RTN4IP1: variants seen among roughly 807,000 people sequenced by gnomAD.
RTN4IP1 encodes NAD(P)H oxidoreductase RTN4IP1, mitochondrial.
Under a neutral mutation model 46.6 loss-of-function variants are expected in RTN4IP1, and 32 were observed. The observed-to-expected ratio is 0.69, with a 90% CI of 0.52 to 0.92. RTN4IP1 has a LOEUF of 0.92. Ranked by LOEUF, RTN4IP1 falls within the 40% of genes least tolerant of loss-of-function variation. The pLI is 0.00. For missense variants in RTN4IP1, 424 were observed against 485.8 expected, an observed-to-expected ratio of 0.87 and a Z score of 1.20; for synonymous variants, 167 against 161.8, an observed-to-expected ratio of 1.03 and a Z score of -0.24.
Position 106,599,679 on chromosome 6 carries a change from T to G in RTN4IP1, c.669+3195A>C, listed in dbSNP as rs779502031. Reference sequence around the variant, plus strand: ...AATGTAAGAATATACCACAATTTACTTACTCATTTTACTGTTGATGGACAT... The same window carrying G: ...AATGTAAGAATATACCACAATTTACGTACTCATTTTACTGTTGATGGACAT... On this transcript the variant is annotated intron_variant, in intron 5 of 8. Transcript: ENST00000369063. 3.3e-5 allele frequency among the ~76,000 whole-genome samples: 5 copies of G among 152,250 alleles called. No individual in the cohort carries two copies. In the East Asian group the frequency reaches 9.6e-4, roughly 29 times the overall value.
At chr6:106,612,384 CAAAAAAAAA>C (rs1180927898) in intron 4 of RTN4IP1, among the ~76,000 whole-genome samples, 4 of 18,918 alleles carry the variant, frequency 2.1e-4, no homozygotes, top group South Asian at 3.8e-3. Flanking sequence ...AAGACTCCGT[CAAAAAAAAA>C]AAAAAAAAAA....
intron 6 of RTN4IP1, 57 bp from the exon 7 acceptor site, chr6:106,587,919 T>G (rs996411455): frequency 1.5e-5 from 22 of 1,453,874 alleles, no homozygotes; most frequent in African/African-American, 2.8e-5. Flanking sequence ...TGGACTCTGA[T>G]CCTCCTTCCC....
upstream of RTN4IP1, among the ~76,000 whole-genome samples, chr6:106,630,121 G>T (rs913977137): frequency 6.6e-6 from 1 of 152,134 alleles, no homozygotes; most frequent in African/African-American, 2.4e-5. Context: ...GTAATTTTTG[G>T]CTTTTTTCAA....
At chr6:106,601,388 C>A (rs1775943960) in intron 5 of RTN4IP1, among the ~76,000 whole-genome samples, 1 of 151,978 alleles carries the variant, frequency 6.6e-6, no homozygotes, top group Non-Finnish European at 1.5e-5. Context: ...CTTGATAGTG[C>A]CCTTTGACAT....
intron 5 of RTN4IP1, 136 bp from the exon 6 acceptor site, chr6:106,592,436 A>C (rs1775686675): frequency 1.2e-6 from 1 of 867,390 alleles, no homozygotes; most frequent in African/African-American, 1.7e-5. Context: ...ACGTCATCTT[A>C]ACCAGAACTA....
At chr6:106,574,368 G>A (rs1024725349) in intron 8 of RTN4IP1, among the ~76,000 whole-genome samples, 1 of 151,944 alleles carries the variant, frequency 6.6e-6, no homozygotes, top group African/African-American at 2.4e-5. Flanking sequence ...ACTTGAACCC[G>A]GGAGGTGGAG....
chr6:106,605,368 G>A (rs1225930060), intron 4 of RTN4IP1, among the ~76,000 whole-genome samples: 2 of 151,774 alleles, frequency 1.3e-5, no homozygotes, highest in African/African-American at 2.4e-5. Context: ...GGAGGTTGCA[G>A]TGAGCTGAGA....
chr6:106,614,223 A>C (rs1776295559), intron 4 of RTN4IP1, among the ~76,000 whole-genome samples: 2 of 152,354 alleles, frequency 1.3e-5, no homozygotes, highest in African/African-American at 4.8e-5. Flanking sequence ...ATTTGGCAAC[A>C]ATCTTATATT....
At chr6:106,629,571 A>C, upstream of RTN4IP1, 1 of 1,348,196 alleles carries the variant, frequency 7.4e-7, no homozygotes, top group South Asian at 1.3e-5. Flanking sequence ...TCGGTGTTGA[A>C]GGGCTCAGTG....
At chr6:106,625,875 C>T (rs1184300443) in intron 1 of RTN4IP1, among the ~76,000 whole-genome samples, 3 of 151,730 alleles carry the variant, frequency 2.0e-5, no homozygotes, top group African/African-American at 7.3e-5. Context: ...AGGATGGTCT[C>T]GAACTCCTGA....
chr6:106,589,026 C>T lies in RTN4IP1; in HGVS notation c.807-1164G>A, dbSNP rs377208174. On this transcript the variant is annotated intron_variant, in intron 6 of 8. Transcript: ENST00000369063. ...TCAAGAGGCTGAGGCAGGAGAATCG[C>T]TTGAACCCGGGAGGCAGAGGTTGTG... Among the ~76,000 whole-genome samples the T allele has an allele frequency of 6.0e-5, 9 of 149,712 alleles. 1 individual carries two copies. Among genetic ancestry groups the T allele is most frequent in the Admixed American group, 4.7e-4 (7 of 14,854 alleles).
intron 3 of RTN4IP1, among the ~76,000 whole-genome samples, chr6:106,619,812 C>G (rs908675482): frequency 1.3e-5 from 2 of 151,680 alleles, no homozygotes; most frequent in African/African-American, 4.8e-5. Flanking sequence ...AGGGTTTCAC[C>G]GTGTTAGCCA....
chr6:106,578,875 C>T (rs922695406), intron 8 of RTN4IP1, among the ~76,000 whole-genome samples: 4 of 151,506 alleles, frequency 2.6e-5, no homozygotes, highest in Non-Finnish European at 4.4e-5. Context: ...ATGTCTTAGG[C>T]TTTGCAGGCT....
At chr6:106,603,264 A>T (rs1320837571) in intron 4 of RTN4IP1, among the ~76,000 whole-genome samples, 1 of 152,018 alleles carries the variant, frequency 6.6e-6, no homozygotes, top group Non-Finnish European at 1.5e-5. Flanking sequence ...TATGAGAGGG[A>T]GATTTGGGGC....
In RTN4IP1 at chr6:106,608,280, G is replaced by A. The variant is rs187963322; in HGVS notation, c.621-5358C>T. Among the ~76,000 whole-genome samples the A allele has an allele frequency of 3.9e-5, 6 of 152,226 alleles. No homozygotes were observed. In the East Asian group the frequency reaches 1.2e-3, roughly 29 times the overall value. On this transcript the variant is annotated intron_variant, in intron 4 of 8. Coordinates refer to ENST00000369063, the MANE Select transcript of RTN4IP1 (RefSeq NM_032730.5). ...TTCACTCAAGGGGGAGCTAGACAAG[G>A]TTGAAGTCACAGAAGCAGTGAGTAG... is the stretch of plus-strand genomic sequence containing the variant.
intron 8 of RTN4IP1, among the ~76,000 whole-genome samples, chr6:106,581,823 G>C (rs1038226023): frequency 6.6e-6 from 1 of 152,218 alleles, no homozygotes; most frequent in African/African-American, 2.4e-5. Flanking sequence ...GAATACAAAA[G>C]AGCAGTGGTA....
intron 8 of RTN4IP1, among the ~76,000 whole-genome samples, chr6:106,580,664 A>T (rs989331104): frequency 6.6e-6 from 1 of 150,570 alleles, no homozygotes; most frequent in African/African-American, 2.4e-5. Flanking sequence ...GGTTGCAGTG[A>T]GCTGAGATCA....
chr6:106,572,108 A>G lies in RTN4IP1; in HGVS notation c.1084-5T>C, dbSNP rs770730111. Reference sequence around the variant, plus strand: ...TTGTTCAATAACTGGCCGGATCTGTAAAACATAAGAGGTTGACCGGTGGAT... The same window carrying G: ...TTGTTCAATAACTGGCCGGATCTGTGAAACATAAGAGGTTGACCGGTGGAT... On this transcript the variant is annotated splice_polypyrimidine_tract_variant and splice_region_variant and intron_variant, in intron 8 of 8. Transcript: ENST00000369063. 6.2e-7 allele frequency: 1 copy of G among 1,607,588 alleles called. No individual in the cohort carries two copies. Among genetic ancestry groups the G allele is most frequent in the South Asian group, 1.1e-5 (1 of 90,736 alleles).
At chr6:106,578,831 C>A (rs574626259) in intron 8 of RTN4IP1, among the ~76,000 whole-genome samples, 3 of 151,910 alleles carry the variant, frequency 2.0e-5, no homozygotes, top group Non-Finnish European at 4.4e-5. Flanking sequence ...AGATAAGGAT[C>A]GGCAAACTTT....
Sources: allele counts gnomAD v4.1 joint callset (sites outside exome capture counted in the v4.1 genomes callset), GRCh38; gene constraint gnomAD v4.1.1; transcripts MANE v1.5; gene names NCBI Gene and HGNC (gene_info 2026-07-23, HGNC 2026-07-21).